Variants in NUP210L observed in about 807,000 individuals in gnomAD.
The protein encoded by NUP210L is nuclear pore membrane glycoprotein 210-like.
Under a neutral mutation model 208.5 loss-of-function variants are expected in NUP210L, and 74 were observed. The ratio of observed to expected loss-of-function variants is 0.35; its 90% confidence interval spans 0.29 to 0.43. The LOEUF is 0.43. Ranked by LOEUF, NUP210L falls within the 20% of genes least tolerant of loss-of-function variation. NUP210L has a pLI of 1.00. For synonymous variants in NUP210L, 780 were observed against 816.9 expected, an observed-to-expected ratio of 0.95 and a Z score of 0.77; for missense variants, 1,843 against 2,289.4, an observed-to-expected ratio of 0.81 and a Z score of 3.98.
At chr1:154,036,280 A>C (rs1204587090) in intron 27 of NUP210L, among the ~76,000 whole-genome samples, 2 of 150,074 alleles carry the variant, frequency 1.3e-5, no homozygotes, top group Admixed American at 1.3e-4. Flanking sequence ...TTAATTAAAA[A>C]ATTTATTTAT....
At chr1:154,080,378 A>G (rs1485215651) in intron 16 of NUP210L, among the ~76,000 whole-genome samples, 1 of 134,104 alleles carries the variant, frequency 7.5e-6, no homozygotes, top group South Asian at 2.4e-4. Context: ...AAAAAGGAAG[A>G]AGGAGAAAGA....
At chr1:154,085,191 C>CA (rs112021292) in intron 16 of NUP210L, among the ~76,000 whole-genome samples, 124 of 143,942 alleles carry the variant, frequency 8.6e-4, no homozygotes, top group South Asian at 4.4e-3. Context: ...ACTAAAAATA[C>CA]AAAAAAAAAA....
At chr1:154,128,132 G>A (rs1005502322) in intron 8 of NUP210L, among the ~76,000 whole-genome samples, 1 of 152,106 alleles carries the variant, frequency 6.6e-6, no homozygotes, top group African/African-American at 2.4e-5. Context: ...CCAAAGTGCT[G>A]GAATTAGACA....
exon 12 of NUP210L, chr1:154,117,816 G>T (rs1018994393): frequency 2.5e-6 from 4 of 1,612,642 alleles, no homozygotes; most frequent in East Asian, 2.2e-5. Flanking sequence ...CACTCCTTTC[G>T]TGGTTACTAT....
chr1:154,090,930 T>C (rs1009040914), intron 15 of NUP210L, among the ~76,000 whole-genome samples: 28 of 151,786 alleles, frequency 1.8e-4, no homozygotes, highest in South Asian at 4.1e-4. Context: ...GAAAATAGTA[T>C]GGTGGTTCCT....
intron 4 of NUP210L, among the ~76,000 whole-genome samples, chr1:154,141,131 C>T (rs966886689): frequency 1.3e-5 from 2 of 152,152 alleles, no homozygotes; most frequent in African/African-American, 4.8e-5. Flanking sequence ...CCCTCTACTC[C>T]AGCATGTGCA....
intron 25 of NUP210L, 47 bp downstream of exon 25, chr1:154,054,181 G>A: frequency 1.3e-6 from 2 of 1,596,408 alleles, no homozygotes; most frequent in Non-Finnish European, 1.7e-6. Flanking sequence ...CCACAGTATG[G>A]TTCCTCAATA....
chr1:154,046,425 A>T, intron 25 of NUP210L, 56 bp from the exon 26 acceptor site: 2 of 1,404,758 alleles, frequency 1.4e-6, no homozygotes, highest in Non-Finnish European at 2.0e-6. Flanking sequence ...TGTGGGGTGG[A>T]CAGAGATGCT....
chr1:154,054,924 AG>A lies in NUP210L; in HGVS notation c.3241-93del, dbSNP rs1250715691. ...ATTTAAATTTTTTTTTTTTTTAGAC[AG>A]AGTCTTGCTCTGTTGCCCATGCTGA... On this transcript the variant is annotated intron_variant, in intron 23 of 39. Coordinates refer to ENST00000368559, the Ensembl canonical transcript of NUP210L. 6.1e-6 allele frequency: 5 copies of A among 826,434 alleles called. No homozygotes were observed. The Admixed American group carries it at 1.0e-4, about 17-fold the overall frequency. The allele number at this position is 826,434 out of a possible 1,614,324, so 51.2% of individuals were successfully genotyped here.
chr1:154,090,171 G>C (rs1401814916), intron 15 of NUP210L, among the ~76,000 whole-genome samples: 1 of 151,232 alleles, frequency 6.6e-6, no homozygotes. Context: ...TTGCGCCAAG[G>C]AGTTCAAGAC....
intron 17 of NUP210L, among the ~76,000 whole-genome samples, chr1:154,062,169 A>G (rs1020999364): frequency 2.0e-5 from 3 of 152,112 alleles, no homozygotes; most frequent in Admixed American, 6.6e-5. Flanking sequence ...ATGTACCCAT[A>G]TGACCCTGAG....
At chr1:154,027,096 AC>A (rs377339012) in intron 29 of NUP210L, among the ~76,000 whole-genome samples, 1,681 of 100,878 alleles carry the variant, frequency 0.017, 90 homozygotes, top group African/African-American at 0.053. Context: ...AAAAAAAAAA[AC>A]AAAAAAAAAA....
chr1:154,023,045 T>C, intron 31 of NUP210L, 77 bp downstream of exon 31: 1 of 1,334,414 alleles, frequency 7.5e-7, no homozygotes, highest in Admixed American at 2.4e-5. Context: ...AGGAATTTAC[T>C]GGAGCTGCTA....
chr1:154,128,466 G>A (rs1260425382), intron 8 of NUP210L, among the ~76,000 whole-genome samples: 1 of 152,132 alleles, frequency 6.6e-6, no homozygotes, highest in East Asian at 1.9e-4. Context: ...GGGCAACAGA[G>A]CCAGACACTG....
intron 27 of NUP210L, among the ~76,000 whole-genome samples, chr1:154,039,222 T>A (rs1271258242): frequency 1.3e-5 from 2 of 151,950 alleles, no homozygotes; most frequent in Non-Finnish European, 2.9e-5. Flanking sequence ...TCAGCTTTTG[T>A]TTTTCTGGGA....
At chr1:154,066,409 A>T (rs1654417102) in intron 17 of NUP210L, among the ~76,000 whole-genome samples, 1 of 152,222 alleles carries the variant, frequency 6.6e-6, no homozygotes, top group Non-Finnish European at 1.5e-5. Context: ...CAGGAGATTG[A>T]GAACATCCTG....
At chr1:154,001,965 T>G in exon 36 of NUP210L, 1 of 1,613,924 alleles carries the variant, frequency 6.2e-7, no homozygotes, top group Non-Finnish European at 8.5e-7. Flanking sequence ...GGTCGAACCT[T>G]GATTATGCAG....
At chr1:154,029,329 G>GATC (rs2147940925) in intron 28 of NUP210L, among the ~76,000 whole-genome samples, 1 of 117,794 alleles carries the variant, frequency 8.5e-6, no homozygotes, top group Admixed American at 1.2e-4. Context: ...AGTGAGCCAA[G>GATC]ATCACACCAC....
chr1:154,003,964 A>G (rs1650358198), intron 35 of NUP210L, among the ~76,000 whole-genome samples: 1 of 152,064 alleles, frequency 6.6e-6, no homozygotes, highest in South Asian at 2.1e-4. Flanking sequence ...ATGGATAATT[A>G]GTCTGGGCTA....
Sources: allele counts gnomAD v4.1 joint callset (sites outside exome capture counted in the v4.1 genomes callset), GRCh38; gene constraint gnomAD v4.1.1; transcripts MANE v1.5; gene names NCBI Gene and HGNC (gene_info 2026-07-23, HGNC 2026-07-21).